Variants in TAOK1 observed in about 807,000 individuals in gnomAD.
TAOK1 encodes TAO kinase 1, also known as serine/threonine-protein kinase TAO1.
A neutral mutation model predicts 138.3 loss-of-function variants in TAOK1; 21 were observed. The ratio of observed to expected loss-of-function variants is 0.15; its 90% CI spans 0.11 to 0.22. The LOEUF is 0.22. TAOK1 is among the 10% of genes least tolerant of loss of function. The probability of loss-of-function intolerance (pLI) is 1.00; values close to 1 mark genes in which losing one functional copy is unlikely to be tolerated. For synonymous variants in TAOK1, 361 were observed against 398.4 expected (o/e 0.91, Z 1.12); for missense variants, 651 against 1,227.7 (o/e 0.53, Z 7.02).
chr17:29,399,684 T>TTACTA (rs1198393461), intron 1 of TAOK1, among the ~76,000 whole-genome samples: 1 of 152,170 alleles, frequency 6.6e-6, no homozygotes, highest in African/African-American at 2.4e-5. Flanking sequence ...CAAGGTAGCT[T>TTACTA]AGTAACTTTT....
chr17:29,405,714 G>C (rs1207344485), intron 1 of TAOK1, among the ~76,000 whole-genome samples: 3 of 152,050 alleles, frequency 2.0e-5, no homozygotes, highest in Non-Finnish European at 4.4e-5. Context: ...GGGAGGCGGA[G>C]TTTGCAGTGA....
chr17:29,449,992 C>A lies in TAOK1; in HGVS notation c.-94-1463C>A, dbSNP rs893587529. Among the ~76,000 whole-genome samples the A allele has an allele frequency of 3.9e-5, 6 of 152,288 alleles. No homozygotes were observed. The East Asian group carries it at 7.7e-4, about 20-fold the overall frequency. ...TGCTTTCATTTATTAACTCATTTAA[C>A]CCTCCTGATTACACTGTGAAGTAGA... On this transcript the variant is annotated intron_variant, in intron 1 of 19. Transcript: ENST00000261716.
intron 18 of TAOK1, among the ~76,000 whole-genome samples, 200 bp from the exon 19 acceptor site, chr17:29,533,918 T>A (rs953377534): frequency 6.6e-6 from 1 of 152,088 alleles, no homozygotes; most frequent in Non-Finnish European, 1.5e-5. Flanking sequence ...TAGCTTATGA[T>A]AGCTTTATCT....
intron 16 of TAOK1, among the ~76,000 whole-genome samples, chr17:29,521,944 A>G (rs922437954): frequency 1.3e-4 from 20 of 152,330 alleles, no homozygotes; most frequent in Admixed American, 8.5e-4. Context: ...ATTGAATAGA[A>G]TACTCTGAAG....
At chr17:29,535,310 AAAAT>A (rs540444506) in intron 19 of TAOK1, among the ~76,000 whole-genome samples, 14 of 151,294 alleles carry the variant, frequency 9.3e-5, no homozygotes, top group African/African-American at 1.7e-4. Context: ...ATCCTGTCTC[AAAAT>A]AAATAAATAA....
chr17:29,424,048 CA>C (rs34530466), intron 1 of TAOK1, among the ~76,000 whole-genome samples: 23,305 of 112,786 alleles, frequency 0.21, 1,648 homozygotes, highest in African/African-American at 0.24. Flanking sequence ...GACCCTGTCT[CA>C]AAAAAAAAAA....
In TAOK1 at chr17:29,451,687, G is replaced by A; in HGVS notation, c.132+7G>A. 6.2e-7 allele frequency: 1 copy of A among 1,609,480 alleles called. No individual in the cohort carries two copies. The highest frequency in any genetic ancestry group is 8.5e-7 in the Non-Finnish European group (1 of 1,178,406). On this transcript the variant is annotated splice_region_variant and intron_variant, in intron 2 of 19. Coordinates refer to ENST00000261716, the MANE Select transcript of TAOK1 (RefSeq NM_020791.4). The stretch of plus-strand genomic sequence containing the variant: ...CTTTGGAGCAGTGTATTTTGTAAGT[G>A]TTAGTGGCTTGATGTCAGTGACTAA...
chr17:29,472,654 A>G (rs1468395108), intron 3 of TAOK1, among the ~76,000 whole-genome samples: 2 of 147,484 alleles, frequency 1.4e-5, no homozygotes, highest in Admixed American at 6.8e-5. Flanking sequence ...GCTCACCGCA[A>G]CCTCCGCCCC....
intron 1 of TAOK1, among the ~76,000 whole-genome samples, chr17:29,399,460 C>T (rs567699545): frequency 4.0e-5 from 6 of 151,786 alleles, no homozygotes; most frequent in Non-Finnish European, 7.4e-5. Flanking sequence ...GGACTACAGG[C>T]GCCCGCCACT....
At chr17:29,527,294 A>T (rs2032027854) in intron 17 of TAOK1, among the ~76,000 whole-genome samples, 1 of 151,712 alleles carries the variant, frequency 6.6e-6, no homozygotes, top group Admixed American at 6.6e-5. Context: ...GTCTCAAAAA[A>T]AGAAAAGAAA....
At position 29,430,203 on chromosome 17, in the gene TAOK1, A is replaced by G. The variant is rs8079828; in HGVS notation, c.-94-21252A>G. 4.3e-3 allele frequency among the ~76,000 whole-genome samples: 660 copies of G among 152,334 alleles called. 4 individuals are homozygous for G. The Middle Eastern group carries it at 0.048, about 11-fold the overall frequency. ...GAACGAAAGCAGGGATTTATTGAAA[A>G]TGAAAGTACACTCCACAGTGTGGGA... is the stretch of plus-strand genomic sequence containing the variant. On this transcript the variant is annotated intron_variant, in intron 1 of 19. Transcript: ENST00000261716.
intron 1 of TAOK1, among the ~76,000 whole-genome samples, chr17:29,396,988 C>T: frequency 1.6e-5 from 1 of 60,668 alleles, no homozygotes. Flanking sequence ...ACAACTCTGT[C>T]TCAAAAAAAA....
intron 1 of TAOK1, among the ~76,000 whole-genome samples, chr17:29,440,050 T>G (rs2029893684): frequency 6.6e-6 from 1 of 152,142 alleles, no homozygotes; most frequent in Non-Finnish European, 1.5e-5. Context: ...AAAATCTTTC[T>G]ACTTTGCAAA....
chr17:29,478,729 G>C (rs2030995913), intron 6 of TAOK1, among the ~76,000 whole-genome samples: 1 of 152,156 alleles, frequency 6.6e-6, no homozygotes, highest in South Asian at 2.1e-4. Context: ...AGGTTGCAAA[G>C]CTGAGTAGAT....
intron 1 of TAOK1, among the ~76,000 whole-genome samples, chr17:29,424,203 G>A (rs1470168509): frequency 2.6e-5 from 4 of 151,842 alleles, no homozygotes; most frequent in African/African-American, 7.3e-5. Context: ...TTGGGAGGCC[G>A]AGACGGGCAG....
At chr17:29,409,308 CATAT>C (rs1183993280) in intron 1 of TAOK1, among the ~76,000 whole-genome samples, 9,080 of 79,300 alleles carry the variant, frequency 0.11, 629 homozygotes, top group East Asian at 0.24. Flanking sequence ...TTTTTATGGA[CATAT>C]ATATATATAT....
At chr17:29,416,957 T>C (rs1205733190) in intron 1 of TAOK1, among the ~76,000 whole-genome samples, 1 of 152,188 alleles carries the variant, frequency 6.6e-6, no homozygotes, top group Non-Finnish European at 1.5e-5. Context: ...AGGGATATGG[T>C]AAAGGTCTGG....
chr17:29,468,161 G>T (rs1189173786), intron 3 of TAOK1, among the ~76,000 whole-genome samples: 4 of 40,172 alleles, frequency 1.0e-4, no homozygotes, highest in Admixed American at 9.4e-4. Flanking sequence ...TTAGGAGCTG[G>T]AGTCTCACTC....
At chr17:29,532,989 GACCCCCCCACCTCCAA>G (rs2032149465) in intron 18 of TAOK1, among the ~76,000 whole-genome samples, 1 of 6,222 alleles carries the variant, frequency 1.6e-4, no homozygotes. Context: ...GCAGGGGGCT[GACCCCCCCACCTCCAA>G]CCGGGCGGGG....
Sources: gnomAD v4.1 joint callset for allele counts (sites outside exome capture counted in the v4.1 genomes callset) on GRCh38, gnomAD v4.1.1 for gene constraint, MANE v1.5 for transcripts, NCBI Gene and HGNC (gene_info 2026-07-23, HGNC 2026-07-21) for gene names.